The following ZNF385D variants were observed in gnomAD, a reference collection of about 807,000 sequenced individuals.
ZNF385D encodes zinc finger protein 659.
Under a neutral mutation model 35.8 loss-of-function variants are expected in ZNF385D, and 15 were observed. The observed-to-expected ratio is 0.42, with a 90% CI of 0.28 to 0.64. ZNF385D has a LOEUF of 0.64. ZNF385D is among the 30% of genes least tolerant of loss of function. The pLI, the probability that ZNF385D is intolerant of heterozygous loss-of-function variation, is 0.23. For synonymous variants in ZNF385D, 212 were observed against 186.8 expected (o/e 1.13, Z -1.10); for missense variants, 474 against 494.6 (o/e 0.96, Z 0.39).
chr3:21,927,148 G>A (rs954784586), intron 3 of ZNF385D, among the ~76,000 whole-genome samples: 3 of 152,036 alleles, frequency 2.0e-5, no homozygotes, highest in African/African-American at 2.4e-5. Flanking sequence ...TCACTGTCTT[G>A]CCCTGTAATG....
chr3:21,920,411 CATTTT>C (rs1360978449), intron 3 of ZNF385D, among the ~76,000 whole-genome samples: 1 of 152,084 alleles, frequency 6.6e-6, no homozygotes, highest in Non-Finnish European at 1.5e-5. Context: ...GAATATGTTA[CATTTT>C]ATTTATTTGT....
chr3:22,200,019 A>G (rs976274785), intron 2 of ZNF385D, among the ~76,000 whole-genome samples: 1 of 152,056 alleles, frequency 6.6e-6, no homozygotes, highest in East Asian at 1.9e-4. Flanking sequence ...TATTTTTCCT[A>G]TTTTATAGGT....
At chr3:21,584,083 C>T (rs2063744623) in intron 2 of ZNF385D, among the ~76,000 whole-genome samples, 1 of 151,916 alleles carries the variant, frequency 6.6e-6, no homozygotes, top group African/African-American at 2.4e-5. Context: ...AAGCTATTCT[C>T]CTGCCTCAGC....
In ZNF385D at chr3:21,890,120, T is replaced by C. The variant is rs114617824; in HGVS notation, c.326-225092A>G. Among the ~76,000 whole-genome samples, 896 of 152,258 alleles carry C rather than the reference T, an allele frequency of 5.9e-3. 12 individuals carry two copies. Among genetic ancestry groups the C allele is most frequent in the African/African-American group, 0.02 (843 of 41,550 alleles). ...GGATTTGGCTTCAAACATATATATA[T>C]CTTTTTGGGGAGATGCAATTCAACC... On this transcript the variant is annotated intron_variant, in intron 3 of 5. Coordinates refer to the ZNF385D transcript ENST00000494108.
intron 2 of ZNF385D, among the ~76,000 whole-genome samples, chr3:21,565,412 A>G (rs1048843743): frequency 3.9e-5 from 6 of 152,092 alleles, no homozygotes; most frequent in Non-Finnish European, 7.4e-5. Flanking sequence ...CTTTTGTCCT[A>G]TGGTTGCTCT....
intron 3 of ZNF385D, among the ~76,000 whole-genome samples, chr3:21,808,162 A>G (rs912920003): frequency 1.3e-5 from 2 of 152,234 alleles, no homozygotes; most frequent in Non-Finnish European, 2.9e-5. Flanking sequence ...AAAATCCTTT[A>G]GTATAGGATA....
At chr3:22,177,830 G>A (rs11918450) in intron 2 of ZNF385D, among the ~76,000 whole-genome samples, 4,181 of 152,186 alleles carry the variant, frequency 0.027, 192 homozygotes, top group African/African-American at 0.095. Flanking sequence ...GAGAACATAC[G>A]GTGGTTGGTT....
intron 3 of ZNF385D, among the ~76,000 whole-genome samples, chr3:21,900,862 C>T (rs1699373015): frequency 6.6e-6 from 1 of 152,106 alleles, no homozygotes; most frequent in South Asian, 2.1e-4. Context: ...AATTAAGTCC[C>T]CATGCCTGGA....
rs1003577817 is a variant in ZNF385D at position 21,412,676 on chromosome 3, G to A, written c.*8538C>T. 1.3e-5 allele frequency: 2 copies of A among 151,636 alleles called. No homozygotes were observed. Among genetic ancestry groups the A allele is most frequent in the African/African-American group, 4.9e-5 (2 of 41,144 alleles). The allele number at this position is 151,636 out of a possible 1,614,324, so 9.4% of individuals were successfully genotyped here. On this transcript the variant is annotated 3_prime_UTR_variant, in exon 8 of 8. Coordinates refer to ENST00000281523, the MANE Select transcript of ZNF385D (RefSeq NM_024697.3). ...GGCTAAGGATGTTCCTAGAGCTGCTGAAGGAACCAGAGAGCTTTCATCCAT... is the reference window on the plus strand; with the variant it reads ...GGCTAAGGATGTTCCTAGAGCTGCTAAAGGAACCAGAGAGCTTTCATCCAT...
intron 1 of ZNF385D, among the ~76,000 whole-genome samples, chr3:21,710,142 G>A (rs917865376): frequency 3.9e-5 from 6 of 152,006 alleles, no homozygotes. Context: ...TGGGTATGGG[G>A]GTATGGTTTA....
rs1023701507 is a variant in ZNF385D, at chr3:21,510,921, C to A, written c.379G>T (p.Ala127Ser). The A allele has an allele frequency of 3.1e-6, 5 of 1,613,988 alleles. No individual in the cohort carries two copies. Among genetic ancestry groups the A allele is most frequent in the Non-Finnish European group, 4.2e-6 (5 of 1,180,008 alleles). The change falls in exon 4 of 8, where the codon GCA becomes TCA. Residue 127 changes from alanine to serine, a missense_variant. By Grantham distance (99) the Ala-to-Ser change is moderately conservative (BLOSUM62 1). Coordinates refer to ENST00000281523, the MANE Select transcript of ZNF385D (RefSeq NM_024697.3). ...KQKSVTAKDS[A>S]KTTFTSITTN... ...GTGATGGAGGTGAAGGTAGTCTTTG[C>A]GCTGTCCTTGGCAGTTACAGATTTC...
At chr3:22,308,851 T>C (rs1703381606) in intron 2 of ZNF385D, among the ~76,000 whole-genome samples, 1 of 152,100 alleles carries the variant, frequency 6.6e-6, no homozygotes, top group Non-Finnish European at 1.5e-5. Flanking sequence ...CCAATTTTTT[T>C]CTCAGCAACA....
At chr3:21,688,027 T>G (rs1452540400) in intron 1 of ZNF385D, among the ~76,000 whole-genome samples, 1 of 152,114 alleles carries the variant, frequency 6.6e-6, no homozygotes, top group African/African-American at 2.4e-5. Flanking sequence ...CCCATAGTGT[T>G]GGGATTACGG....
intron 3 of ZNF385D, among the ~76,000 whole-genome samples, chr3:21,946,111 G>T (rs991141293): frequency 2.6e-5 from 4 of 152,142 alleles, no homozygotes; most frequent in Non-Finnish European, 2.9e-5. Flanking sequence ...TTTCTCCAAA[G>T]TCATACACCG....
At chr3:21,856,203 T>C (rs1203300362) in intron 3 of ZNF385D, among the ~76,000 whole-genome samples, 1 of 152,050 alleles carries the variant, frequency 6.6e-6, no homozygotes, top group Non-Finnish European at 1.5e-5. Context: ...CTCTCCTACT[T>C]CCTTGATCAC....
At chr3:22,269,146 T>A (rs1362074929) in intron 2 of ZNF385D, among the ~76,000 whole-genome samples, 1 of 151,922 alleles carries the variant, frequency 6.6e-6, no homozygotes, top group African/African-American at 2.4e-5. Context: ...ATGCATAACA[T>A]CATTCTAAAT....
chr3:21,553,356 T>A (rs1411857688), intron 3 of ZNF385D, among the ~76,000 whole-genome samples: 1 of 152,210 alleles, frequency 6.6e-6, no homozygotes, highest in Non-Finnish European at 1.5e-5. Context: ...AAAAGTTGTT[T>A]ATACCATACT....
At chr3:22,288,944 T>C (rs1247330093) in intron 2 of ZNF385D, among the ~76,000 whole-genome samples, 1 of 152,086 alleles carries the variant, frequency 6.6e-6, no homozygotes, top group Non-Finnish European at 1.5e-5. Flanking sequence ...ACTCTGTTTT[T>C]AGCGGCCATC....
At chr3:21,955,138 G>C (rs1295056521) in intron 3 of ZNF385D, among the ~76,000 whole-genome samples, 1 of 151,948 alleles carries the variant, frequency 6.6e-6, no homozygotes, top group African/African-American at 2.4e-5. Context: ...TCAAACAAAG[G>C]AAAAAAACTT....
Sources: allele counts gnomAD v4.1 joint callset (sites outside exome capture counted in the v4.1 genomes callset), GRCh38; gene constraint gnomAD v4.1.1; transcripts MANE v1.5; gene names NCBI Gene and HGNC (gene_info 2026-07-23, HGNC 2026-07-21).